Variants in STAU1 observed in about 807,000 individuals in gnomAD.
The protein encoded by STAU1 is double-stranded RNA-binding protein Staufen homolog 1.
Under a neutral mutation model 62.9 loss-of-function variants are expected in STAU1, and 13 were observed. The observed-to-expected ratio is 0.21, with a 90% confidence interval of 0.13 to 0.33. The LOEUF (loss-of-function observed/expected upper bound fraction) is 0.33, where lower values mean the gene tolerates loss of function less well. Among genes scored for constraint, STAU1 ranks in the 10% least tolerant of loss-of-function variants. The pLI, the probability that STAU1 is intolerant of heterozygous loss-of-function variation, is 1.00. For missense variants in STAU1, 571 were observed against 712.1 expected, an observed-to-expected ratio of 0.80 and a Z score of 2.25; for synonymous variants, 269 against 265.1, an observed-to-expected ratio of 1.01 and a Z score of -0.14.
intron 2 of STAU1, among the ~76,000 whole-genome samples, chr20:49,171,827 T>C (rs1293945524): frequency 6.6e-6 from 1 of 151,040 alleles, no homozygotes; most frequent in Non-Finnish European, 1.5e-5. Context: ...TTAAGGTCAA[T>C]GTCAAGCAAA....
At chr20:49,203,742 A>G in the STAU1 span, among the ~76,000 whole-genome samples, 6 of 152,332 alleles carry the variant, frequency 3.9e-5, no homozygotes, top group African/African-American at 9.6e-5. Flanking sequence ...GATGGAATGC[A>G]GTGGCACAAT....
intron 2 of STAU1, among the ~76,000 whole-genome samples, chr20:49,170,544 G>C (rs1045141488): frequency 7.2e-5 from 11 of 151,978 alleles, no homozygotes; most frequent in African/African-American, 2.7e-4. Flanking sequence ...GTAGAAATGG[G>C]GTTTCACCAT....
intron 2 of STAU1, among the ~76,000 whole-genome samples, chr20:49,171,893 G>A (rs348273): frequency 6.7e-6 from 1 of 149,242 alleles, no homozygotes; most frequent in African/African-American, 2.5e-5. Flanking sequence ...AAACGTTTTT[G>A]AAAAGAAATA....
the STAU1 span, among the ~76,000 whole-genome samples, chr20:49,205,363 G>GTTTTTT: frequency 8.5e-6 from 1 of 118,126 alleles, no homozygotes. Context: ...CTTTATGACA[G>GTTTTTT]TTTTTTTTTT....
At chr20:49,154,404 T>C (rs1319362201) in intron 3 of STAU1, among the ~76,000 whole-genome samples, 1 of 152,248 alleles carries the variant, frequency 6.6e-6, no homozygotes, top group Non-Finnish European at 1.5e-5. Flanking sequence ...AAATCCCATG[T>C]AAATGTCCAA....
At position 49,123,083 on chromosome 20, in the gene STAU1, C is replaced by G; in HGVS notation, c.966+9G>C. ...GAGGAAGGGGCGCCCATCATCCATG[C>G]GGACCCACCTGCATCACAAACTCCC... On this transcript the variant is annotated intron_variant, in intron 8 of 13. Coordinates refer to ENST00000371856, the MANE Select transcript of STAU1 (RefSeq NM_017453.4). 1 of 1,582,060 alleles carries G rather than the reference C, an allele frequency of 6.3e-7. No homozygotes were observed. The highest frequency in any genetic ancestry group is 8.6e-7 in the Non-Finnish European group (1 of 1,164,404).
intron 6 of STAU1, chr20:49,134,606 G>C: frequency 2.3e-6 from 3 of 1,295,674 alleles, no homozygotes; most frequent in Non-Finnish European, 2.2e-6. Context: ...AGATATTGTG[G>C]ATGAAGCCAA....
intron 13 of STAU1, 76 bp downstream of exon 13, chr20:49,115,706 C>A: frequency 7.9e-7 from 1 of 1,258,894 alleles, no homozygotes. Context: ...GCTGAGTCAG[C>A]AGATAGTGTA....
At chr20:49,218,139 T>C in the STAU1 span, among the ~76,000 whole-genome samples, 16 of 151,882 alleles carry the variant, frequency 1.1e-4, no homozygotes, top group African/African-American at 3.6e-4. Flanking sequence ...CCTCCCAAAG[T>C]GCTGGGATTA....
intron 3 of STAU1, among the ~76,000 whole-genome samples, chr20:49,157,121 C>G (rs1432937020): frequency 6.6e-6 from 1 of 152,162 alleles, no homozygotes; most frequent in African/African-American, 2.4e-5. Flanking sequence ...AAGTGATCCA[C>G]CTGCCTCAGT....
intron 5 of STAU1, among the ~76,000 whole-genome samples, chr20:49,143,350 G>T (rs1412788899): frequency 2.0e-5 from 3 of 152,184 alleles, no homozygotes; most frequent in Non-Finnish European, 2.9e-5. Context: ...TCTGCACTTT[G>T]AGAGGCCACG....
chr20:49,139,831 T>C (rs1261389089), intron 5 of STAU1, among the ~76,000 whole-genome samples: 1 of 152,026 alleles, frequency 6.6e-6, no homozygotes, highest in African/African-American at 2.4e-5. Flanking sequence ...AATGAGAAGC[T>C]TCCAGTCACT....
At chr20:49,149,251 A>AACACACACACACACACACACACAC (rs34854738) in intron 5 of STAU1, among the ~76,000 whole-genome samples, 3 of 132,030 alleles carry the variant, frequency 2.3e-5, no homozygotes, top group South Asian at 2.8e-4. Flanking sequence ...ACTGTCTCAA[A>AACACACACACACACACACACACAC]ACACACACAC....
chr20:49,212,655 G>A, the STAU1 span, among the ~76,000 whole-genome samples: 1 of 93,194 alleles, frequency 1.1e-5, no homozygotes, highest in African/African-American at 4.3e-5. Context: ...TGTTGCCCAG[G>A]CTGGAGTGCA....
chr20:49,173,955 G>C (rs773388223), intron 2 of STAU1, among the ~76,000 whole-genome samples: 29 of 152,290 alleles, frequency 1.9e-4, no homozygotes, highest in Middle Eastern at 3.4e-3. Flanking sequence ...GACAGCTTCA[G>C]TCATCAATTC....
intron 6 of STAU1, among the ~76,000 whole-genome samples, chr20:49,131,236 C>T (rs1000614055): frequency 2.0e-5 from 3 of 152,158 alleles, no homozygotes; most frequent in African/African-American, 7.2e-5. Flanking sequence ...AAAGATACTG[C>T]AGAGACTAAA....
intron 5 of STAU1, among the ~76,000 whole-genome samples, chr20:49,139,799 A>G (rs1025928448): frequency 6.6e-6 from 1 of 152,156 alleles, no homozygotes; most frequent in African/African-American, 2.4e-5. Context: ...AAATGGAAAT[A>G]ACAAGTTTTT....
the STAU1 span, among the ~76,000 whole-genome samples, chr20:49,211,901 C>T: frequency 3.9e-5 from 6 of 152,298 alleles, no homozygotes; most frequent in African/African-American, 1.4e-4. Context: ...GAAGAACTAC[C>T]AAACTGTTTT....
chr20:49,148,477 C>T (rs549316610), intron 5 of STAU1, among the ~76,000 whole-genome samples: 5 of 152,316 alleles, frequency 3.3e-5, no homozygotes, highest in Admixed American at 1.3e-4. Context: ...CACTTCTAGT[C>T]GCAAGCGTTT....
Sources: gnomAD v4.1 joint callset for allele counts (sites outside exome capture counted in the v4.1 genomes callset) on GRCh38, gnomAD v4.1.1 for gene constraint, MANE v1.5 for transcripts, NCBI Gene and HGNC (gene_info 2026-07-23, HGNC 2026-07-21) for gene names.